The following SDCCAG8 variants were observed in gnomAD, a reference collection of about 807,000 sequenced individuals.
The protein encoded by SDCCAG8 is serologically defined colon cancer antigen 8.
SDCCAG8 carries 74 observed loss-of-function variants against 101.8 expected under a neutral mutation model. That is an observed-to-expected ratio of 0.73 (90% CI 0.60 to 0.88). The LOEUF (loss-of-function observed/expected upper bound fraction) is 0.88. SDCCAG8 is among the 40% of genes least tolerant of loss of function. SDCCAG8 has a pLI of 0.00. For synonymous variants in SDCCAG8, 281 were observed against 292.9 expected (o/e 0.96, Z 0.41); for missense variants, 787 against 822.6 (o/e 0.96, Z 0.53).
chr1:243,307,524 A>T, intron 7 of SDCCAG8: 1 of 984,154 alleles, frequency 1.0e-6, no homozygotes, highest in Middle Eastern at 5.3e-4. Flanking sequence ...TTTTATGTGA[A>T]CTTTTAAGAC....
At chr1:243,353,490 C>CAAGAAAAA (rs2076206847) in intron 12 of SDCCAG8, among the ~76,000 whole-genome samples, 1 of 27,598 alleles carries the variant, frequency 3.6e-5, no homozygotes, top group Non-Finnish European at 6.1e-5. Flanking sequence ...GATTCCATCT[C>CAAGAAAAA]AAAAAAAAAA....
intron 17 of SDCCAG8, among the ~76,000 whole-genome samples, chr1:243,497,072 C>T (rs890549963): frequency 1.7e-4 from 26 of 152,198 alleles, no homozygotes; most frequent in Non-Finnish European, 3.2e-4. Flanking sequence ...CACTGGCATA[C>T]GCACGCTCTA....
chr1:243,463,463 A>G (rs971395497), intron 16 of SDCCAG8, among the ~76,000 whole-genome samples: 1 of 152,158 alleles, frequency 6.6e-6, no homozygotes, highest in Non-Finnish European at 1.5e-5. Flanking sequence ...CATCCCCAAT[A>G]TGAGGACATG....
At chr1:243,287,262 T>A (rs1228129013) in intron 5 of SDCCAG8, among the ~76,000 whole-genome samples, 1 of 152,222 alleles carries the variant, frequency 6.6e-6, no homozygotes, top group Non-Finnish European at 1.5e-5. Flanking sequence ...AATTCAACTT[T>A]CCATGTGGAA....
At chr1:243,295,632 C>G (rs1475255941) in intron 6 of SDCCAG8, among the ~76,000 whole-genome samples, 1 of 152,218 alleles carries the variant, frequency 6.6e-6, no homozygotes, top group East Asian at 1.9e-4. Context: ...TTTCATTTCT[C>G]TTTGAAGAAC....
At chr1:243,333,762 A>G (rs2074797355) in intron 10 of SDCCAG8, among the ~76,000 whole-genome samples, 1 of 150,232 alleles carries the variant, frequency 6.7e-6, no homozygotes, top group East Asian at 1.9e-4. Context: ...ATTTGGGAGA[A>G]TGATGATGTG....
intron 1 of SDCCAG8, among the ~76,000 whole-genome samples, chr1:243,267,010 C>T (rs1333940048): frequency 2.0e-5 from 3 of 151,060 alleles, no homozygotes; most frequent in Admixed American, 6.6e-5. Flanking sequence ...TTTGGGAGGC[C>T]GAGGCAGGCG....
intron 7 of SDCCAG8, among the ~76,000 whole-genome samples, chr1:243,306,913 T>C (rs2072192057): frequency 1.3e-5 from 2 of 152,056 alleles, no homozygotes; most frequent in South Asian, 4.1e-4. Flanking sequence ...GCCAGGCTGT[T>C]GGCTTCTCCT....
chr1:243,260,415 G>C (rs4146967), intron 1 of SDCCAG8, among the ~76,000 whole-genome samples: 145,396 of 152,264 alleles, frequency 0.95, 69,786 homozygotes, highest in East Asian at 1. Context: ...TAGCACATGC[G>C]CCTTCTCTAA....
chr1:243,414,727 G>A (rs545742770), intron 13 of SDCCAG8, among the ~76,000 whole-genome samples: 160 of 152,210 alleles, frequency 1.1e-3, no homozygotes, highest in African/African-American at 3.5e-3. Context: ...GTAAACTAAA[G>A]CAGCATGGAT....
In SDCCAG8 at chr1:243,316,804, G is replaced by T. The variant is rs1400898116; in HGVS notation, c.979G>T (p.Ala327Ser). The T allele has an allele frequency of 6.2e-7, 1 of 1,614,076 alleles. No individual in the cohort carries two copies. Among genetic ancestry groups the T allele is most frequent in the Non-Finnish European group, 8.5e-7 (1 of 1,180,032 alleles). Residue 327 changes from alanine to serine, a missense_variant, in exon 9 of 18, where the codon GCA becomes TCA. Transcript: ENST00000366541. The part of the protein sequence containing the change: ...SALVSVRSSL[A>S]DTQQREASAY... ...ACTAGTTTCCGTAAGGAGCAGCTTG[G>T]CAGATACGCAGCAAAGAGAAGCAAG...
At chr1:243,331,242 G>A (rs762112498) in intron 10 of SDCCAG8, among the ~76,000 whole-genome samples, 8 of 152,174 alleles carry the variant, frequency 5.3e-5, no homozygotes, top group South Asian at 2.1e-4. Context: ...CATGAAACAA[G>A]CAGTGTTTGA....
chr1:243,288,394 AGGT>A (rs1246737206), intron 5 of SDCCAG8, among the ~76,000 whole-genome samples: 1 of 152,058 alleles, frequency 6.6e-6, no homozygotes. Context: ...GGATCCCAGG[AGGT>A]CAAGGCTGCA....
chr1:243,426,265 A>G (rs2081332959), intron 15 of SDCCAG8, among the ~76,000 whole-genome samples, 162 bp from the exon 16 acceptor site: 1 of 152,204 alleles, frequency 6.6e-6, no homozygotes, highest in Non-Finnish European at 1.5e-5. Context: ...TCTACAATGT[A>G]TCTTGCCATT....
chr1:243,288,760 A>C (rs1402149952), intron 5 of SDCCAG8, among the ~76,000 whole-genome samples: 1 of 152,088 alleles, frequency 6.6e-6, no homozygotes, highest in East Asian at 1.9e-4. Context: ...TGTAATCCCA[A>C]CACTTTGGGA....
chr1:243,316,787 C>T lies in SDCCAG8; in HGVS notation c.962C>T (p.Ser321Phe). Reference protein sequence around the residue: ...ERDDLMSALVSVRSSLADTQQ... With the variant: ...ERDDLMSALVFVRSSLADTQQ... Reference sequence around the variant, plus strand: ...GATGACTTGATGTCTGCACTAGTTTCCGTAAGGAGCAGCTTGGCAGATACG... The same window carrying T: ...GATGACTTGATGTCTGCACTAGTTTTCGTAAGGAGCAGCTTGGCAGATACG... The change falls in exon 9 of 18, where the codon TCC (serine) becomes TTC (phenylalanine). Residue 321 changes from serine (S) to phenylalanine (F), a missense_variant. Physicochemically the swap from Ser to Phe is radical, Grantham distance 155 (BLOSUM62 -2). Transcript: ENST00000366541. The T allele has an allele frequency of 6.2e-7, 1 of 1,614,164 alleles. No homozygotes were observed. Among genetic ancestry groups the T allele is most frequent in the Admixed American group, 1.7e-5 (1 of 60,016 alleles).
chr1:243,256,385 A>T, intron 1 of SDCCAG8, 145 bp downstream of exon 1: 2 of 692,840 alleles, frequency 2.9e-6, no homozygotes, highest in Non-Finnish European at 5.2e-6. Context: ...GGTCTTGAGG[A>T]GGATGAAATA....
At position 243,358,831 on chromosome 1, in the gene SDCCAG8, A is replaced by C. The variant is rs544067145; in HGVS notation, c.1473+14500A>C. Among the ~76,000 whole-genome samples the C allele has an allele frequency of 1.6e-4, 24 of 152,340 alleles. No homozygotes were observed. In the South Asian group the frequency reaches 3.9e-3, roughly 25 times the overall value. On this transcript the variant is annotated intron_variant, in intron 12 of 17. Coordinates refer to ENST00000366541, the MANE Select transcript of SDCCAG8 (RefSeq NM_006642.5). ...GCATGGTAGACTTACAATTGAAAAC[A>C]TCATGTTAGATGAAAGAAGCCAGTC...
intron 16 of SDCCAG8, among the ~76,000 whole-genome samples, chr1:243,486,000 A>T (rs1455477822): frequency 6.6e-6 from 1 of 152,040 alleles, no homozygotes; most frequent in Non-Finnish European, 1.5e-5. Flanking sequence ...GGAGTTTGAG[A>T]CCAGCCTGAC....
Sources: allele counts gnomAD v4.1 joint callset (sites outside exome capture counted in the v4.1 genomes callset), GRCh38; gene constraint gnomAD v4.1.1; transcripts MANE v1.5; gene names NCBI Gene and HGNC (gene_info 2026-07-23, HGNC 2026-07-21).